Variants in CYP2W1 observed in about 807,000 individuals in gnomAD.
CYP2W1 encodes cytochrome P450 2W1.
A neutral mutation model predicts 44.9 loss-of-function variants in CYP2W1; 51 were observed. That is an observed-to-expected ratio of 1.14 (90% CI 0.91 to 1.43). CYP2W1 has a LOEUF of 1.43. Ranked by LOEUF, CYP2W1 falls within the 40% of genes most tolerant of loss-of-function variation. The pLI is 0.00. For synonymous variants in CYP2W1, 383 were observed against 338.3 expected, an observed-to-expected ratio of 1.13 and a Z score of -1.45; for missense variants, 746 against 700.0, an observed-to-expected ratio of 1.07 and a Z score of -0.74.
Position 988,437 on chromosome 7 carries a change from C to A in CYP2W1, c.1285+19C>A. 1.2e-6 allele frequency: 2 copies of A among 1,611,698 alleles called. No homozygotes were observed. The highest frequency in any genetic ancestry group is 1.7e-6 in the Non-Finnish European group (2 of 1,179,588). Reference sequence around the variant, plus strand: ...TCTGCAGGTCAGCAGCCCTCGGGGCCGGGGTGGGGCGGCACCTCCAGGGCT... The same window carrying A: ...TCTGCAGGTCAGCAGCCCTCGGGGCAGGGGTGGGGCGGCACCTCCAGGGCT... On this transcript the variant is annotated intron_variant, in intron 8 of 8. Transcript: ENST00000308919.
rs1387110262 is a variant in CYP2W1 at position 985,092 on chromosome 7, C to T, written c.480C>T (p.Gly160=). ...AATGCCTCTCTGGGCAGCTGGATGG[C>T]TACAGAGGTGAGCAGGGGGCCGGGG... ...ELKCLSGQLD[G]YRGRPFPLAL... Residue 160 remains glycine (G), a synonymous_variant, in exon 3 of 9, where the codon GGC becomes GGT. Coordinates refer to ENST00000308919, the MANE Select transcript of CYP2W1 (RefSeq NM_017781.3). 3 of 1,611,968 alleles carry T rather than the reference C, an allele frequency of 1.9e-6. No individual in the cohort carries two copies. In the African/African-American group the frequency reaches 4.0e-5, roughly 22 times the overall value.
chr7:985,390 C>A, intron 4 of CYP2W1, 67 bp downstream of exon 4: 1 of 1,510,574 alleles, frequency 6.6e-7, no homozygotes, highest in Non-Finnish European at 8.9e-7. Context: ...AGCAGGAGGA[C>A]GGGGGCCCCA....
Position 987,533 on chromosome 7 carries a change from TG to T in CYP2W1, c.1143+6del. On this transcript the variant is annotated splice_donor_region_variant and intron_variant, in intron 7 of 8. Transcript: ENST00000308919. ...CTGGGCGGCTTCCTGCTCCCCAAGG[TG>T]GGGCTGGGCCTCCCTTGCCCCTTCC... 2 of 1,517,396 alleles carry T rather than the reference TG, an allele frequency of 1.3e-6. No homozygotes were observed. The highest frequency in any genetic ancestry group is 1.2e-5 in the South Asian group (1 of 82,782). 94.0% of individuals were successfully genotyped at this position (1,517,396 alleles called of 1,614,324 possible).
Position 989,063 on chromosome 7 carries a change from A to G in CYP2W1, c.*241A>G. The stretch of plus-strand genomic sequence containing the variant: ...TGCAGCTCAGTCCCTGCCAGCCCCC[A>G]GGAGCGCCTCCAGGGCCCCGCCCAC... On this transcript the variant is annotated 3_prime_UTR_variant, in exon 9 of 9. Transcript: ENST00000308919. 2.2e-6 allele frequency: 1 copy of G among 450,868 alleles called. No individual in the cohort carries two copies. Among genetic ancestry groups the G allele is most frequent in the East Asian group, 3.2e-5 (1 of 30,824 alleles). 27.9% of individuals were successfully genotyped at this position (450,868 alleles called of 1,614,324 possible). A position where few individuals can be genotyped will look rare whatever the true frequency, so the allele number is the denominator to read the frequency against.
In CYP2W1 at chr7:988,641, G is replaced by A. The variant is rs1450535242; in HGVS notation, c.1292G>A (p.Arg431His). 6 of 1,602,368 alleles carry A rather than the reference G, an allele frequency of 3.7e-6. No individual in the cohort carries two copies. The highest frequency in any genetic ancestry group is 2.2e-5 in the East Asian group (1 of 44,806). ...EAFLPFSAGR[R>H]VCVGERLART... ...GCCTGGACATCCCCCGCAGGCCGCCGCGTCTGTGTTGGGGAGCGCCTGGCC... is the reference window on the plus strand; with the variant it reads ...GCCTGGACATCCCCCGCAGGCCGCCACGTCTGTGTTGGGGAGCGCCTGGCC... The change falls in exon 9 of 9, where the codon CGC becomes CAC. Residue 431 changes from arginine (R) to histidine (H), a missense_variant. Coordinates refer to ENST00000308919, the MANE Select transcript of CYP2W1 (RefSeq NM_017781.3).
chr7:983,184 G>A lies in CYP2W1; in HGVS notation c.-28G>A. The A allele has an allele frequency of 1.4e-6, 2 of 1,459,330 alleles. No homozygotes were observed. Among genetic ancestry groups the A allele is most frequent in the South Asian group, 1.4e-5 (1 of 72,454 alleles). 90.4% of individuals were successfully genotyped at this position (1,459,330 alleles called of 1,614,324 possible). A position where few individuals can be genotyped will look rare whatever the true frequency, so the allele number is the denominator to read the frequency against. Reference sequence around the variant, plus strand: ...TGCGGGGGGGACGGGGCCCAGGAGGGGAGTGGAGCCTCACCAGCCACGTCC... The same window carrying A: ...TGCGGGGGGGACGGGGCCCAGGAGGAGAGTGGAGCCTCACCAGCCACGTCC... On this transcript the variant is annotated 5_prime_UTR_variant, in exon 1 of 9. Coordinates refer to ENST00000308919, the MANE Select transcript of CYP2W1 (RefSeq NM_017781.3).
In CYP2W1 at chr7:988,762, C is replaced by T. The variant is rs745316818; in HGVS notation, c.1413C>T (p.Pro471=). ...GVSPASLDTT[P]ARAFTMRPRA... ...GTCCGGCCTCCCTGGACACCACGCC[C>T]GCCCGGGCTTTTACCATGAGGCCGA... is the stretch of plus-strand genomic sequence containing the variant. The change falls in exon 9 of 9, where the codon CCC becomes CCT. Residue 471 remains proline (P), a synonymous_variant. Transcript: ENST00000308919. 6.3e-5 allele frequency: 100 copies of T among 1,598,544 alleles called. No homozygotes were observed. The highest frequency in any genetic ancestry group is 1.6e-4 in the South Asian group (15 of 90,942).
chr7:986,948 G>A (rs1848400444), intron 5 of CYP2W1, 151 bp downstream of exon 5: 1 of 1,326,872 alleles, frequency 7.5e-7, no homozygotes, highest in African/African-American at 1.5e-5. Flanking sequence ...CTCCTTGTCT[G>A]TGAAACGGGG....
rs549815123 is a variant in CYP2W1, at chr7:989,225, C to T, written c.*403C>T. ...GGCGCAGGTGGGTGTCCTCAGCGTG[C>T]GAGCCCTGCACCCCCCAGGTCCTGG... On this transcript the variant is annotated 3_prime_UTR_variant, in exon 9 of 9. Coordinates refer to ENST00000308919, the MANE Select transcript of CYP2W1 (RefSeq NM_017781.3). The T allele has an allele frequency of 5.8e-4, 122 of 210,534 alleles. 2 individuals are homozygous for T. The South Asian group carries it at 0.015, about 26-fold the overall frequency. 13.0% of individuals were successfully genotyped at this position (210,534 alleles called of 1,614,324 possible).
At position 983,249 on chromosome 7, in the gene CYP2W1, G is replaced by C; in HGVS notation, c.38G>C (p.Gly13Ala). 2 of 1,533,536 alleles carry C rather than the reference G, an allele frequency of 1.3e-6. No individual in the cohort carries two copies. The highest frequency in any genetic ancestry group is 1.8e-6 in the Non-Finnish European group (2 of 1,137,102). 95.0% of individuals were successfully genotyped at this position (1,533,536 alleles called of 1,614,324 possible). A position where few individuals can be genotyped will look rare whatever the true frequency, so the allele number is the denominator to read the frequency against. ...LLLLLFLGLL[G>A]LWGLLCACAQ... ...CTCTTGCTGTTCCTGGGCCTCCTGG[G>C]GCTCTGGGGGCTGCTCTGCGCCTGC... The change falls in exon 1 of 9, where the codon GGG becomes GCG. Residue 13 changes from glycine to alanine, a missense_variant. Physicochemically the swap from Gly to Ala is moderately conservative, Grantham distance 60. Transcript: ENST00000308919.
chr7:987,303 C>T (rs376302659), intron 6 of CYP2W1, 44 bp from the exon 7 acceptor site: 369 of 1,524,228 alleles, frequency 2.4e-4, no homozygotes, highest in Non-Finnish European at 2.9e-4. Flanking sequence ...CCCCCAGGGA[C>T]GAGGGATGGC....
In CYP2W1 at chr7:985,119, C is replaced by T. The variant is rs751926746; in HGVS notation, c.487+20C>T. Reference sequence around the variant, plus strand: ...ACAGAGGTGAGCAGGGGGCCGGGGACGCCCCTCCCCGGGCCTGGACGTGCC... The same window carrying T: ...ACAGAGGTGAGCAGGGGGCCGGGGATGCCCCTCCCCGGGCCTGGACGTGCC... On this transcript the variant is annotated intron_variant, in intron 3 of 8. Transcript: ENST00000308919. 1.1e-4 allele frequency: 169 copies of T among 1,607,482 alleles called. 4 individuals carry two copies. In the South Asian group the frequency reaches 1.4e-3, roughly 13 times the overall value.
Position 988,853 on chromosome 7 carries a change from C to G in CYP2W1, c.*31C>G. On this transcript the variant is annotated 3_prime_UTR_variant, in exon 9 of 9. Transcript: ENST00000308919. Reference sequence around the variant, plus strand: ...CCCCCAGCCCCCAGGTCCTCCTGACCACTCCCCTCCCAGCCCTGGGTCCTC... The same window carrying G: ...CCCCCAGCCCCCAGGTCCTCCTGACGACTCCCCTCCCAGCCCTGGGTCCTC... 2 of 1,365,744 alleles carry G rather than the reference C, an allele frequency of 1.5e-6. No individual in the cohort carries two copies. The highest frequency in any genetic ancestry group is 2.0e-6 in the Non-Finnish European group (2 of 1,005,684). 84.6% of individuals were successfully genotyped at this position (1,365,744 alleles called of 1,614,324 possible). A position where few individuals can be genotyped will look rare whatever the true frequency, so the allele number is the denominator to read the frequency against.
chr7:983,545 G>T (rs1285698159), intron 1 of CYP2W1, among the ~76,000 whole-genome samples, 160 bp downstream of exon 1: 2 of 152,248 alleles, frequency 1.3e-5, no homozygotes, highest in Non-Finnish European at 2.9e-5. Flanking sequence ...GCTTTTGGGA[G>T]GGGAAAGCCA....
chr7:986,055 C>T (rs184507116), intron 4 of CYP2W1, among the ~76,000 whole-genome samples: 57 of 152,286 alleles, frequency 3.7e-4, no homozygotes, highest in African/African-American at 1.3e-3. Flanking sequence ...CTGCGTGGTC[C>T]GGGGCAGCCC....
At position 986,599 on chromosome 7, in the gene CYP2W1, T is replaced by TC. The variant is rs766473011; in HGVS notation, c.646-23dup. On this transcript the variant is annotated intron_variant, in intron 4 of 8. Transcript: ENST00000308919. The stretch of plus-strand genomic sequence containing the variant: ...GCAGCCCTGGGGCTGCGTCCTTATC[T>TC]CCGCTCCTCCTGCCTCCTGCCCAGC... 1.9e-5 allele frequency: 31 copies of TC among 1,611,518 alleles called. 1 individual carries two copies. Among genetic ancestry groups the TC allele is most frequent in the Non-Finnish European group, 2.1e-5 (25 of 1,179,422 alleles).
Position 987,430 on chromosome 7 carries a change from A to G in CYP2W1, c.1042A>G (p.Ser348Gly), listed in dbSNP as rs1221566858. 1.3e-6 allele frequency: 2 copies of G among 1,592,374 alleles called. No individual in the cohort carries two copies. Among genetic ancestry groups the G allele is most frequent in the Admixed American group, 1.7e-5 (1 of 59,308 alleles). ...LEDQQALPYT[S>G]AVLHEVQRFI... ...GGACCAGCAGGCTCTGCCCTACACA[A>G]GCGCCGTGCTCCACGAGGTGCAGCG... Residue 348 changes from serine to glycine, a missense_variant, in exon 7 of 9, where the codon AGC becomes GGC. By Grantham distance (56) the Ser-to-Gly change is moderately conservative. Coordinates refer to ENST00000308919, the MANE Select transcript of CYP2W1 (RefSeq NM_017781.3).
chr7:985,386 A>C (rs187865637), intron 4 of CYP2W1, 63 bp downstream of exon 4: 3 of 1,516,986 alleles, frequency 2.0e-6, no homozygotes, highest in East Asian at 4.9e-5. Context: ...GTGCAGCAGG[A>C]GGACGGGGGC....
At chr7:984,365 G>GC (rs1562952506) in intron 1 of CYP2W1, 47 bp from the exon 2 acceptor site, 3 of 1,536,804 alleles carry the variant, frequency 2.0e-6, no homozygotes, top group Non-Finnish European at 2.6e-6. Flanking sequence ...CCTAAGGGGG[G>GC]TCTTGTGGGT....
Sources: allele counts gnomAD v4.1 joint callset (sites outside exome capture counted in the v4.1 genomes callset), GRCh38; gene constraint gnomAD v4.1.1; transcripts MANE v1.5; gene names NCBI Gene and HGNC (gene_info 2026-07-23, HGNC 2026-07-21).